LILRB1: variants seen among roughly 807,000 people sequenced by gnomAD.
LILRB1 encodes the protein leukocyte immunoglobulin like receptor B1, also known as leukocyte immunoglobulin-like receptor subfamily B member 1.
In LILRB1, 59 loss-of-function variants were observed where a neutral mutation model predicts 74.6. The observed-to-expected ratio is 0.79, with a 90% confidence interval of 0.64 to 0.98. The LOEUF (loss-of-function observed/expected upper bound fraction) is 0.98. Among genes scored for constraint, LILRB1 ranks in the 50% least tolerant of loss-of-function variants. LILRB1 has a pLI of 0.00. For synonymous variants in LILRB1, 328 were observed against 333.9 expected (o/e 0.98, Z 0.19); for missense variants, 804 against 822.6 (o/e 0.98, Z 0.28).
At chr19:54,634,980 T>C (rs945877275) in intron 10 of LILRB1, 124 bp from the exon 11 acceptor site, 91 of 1,448,510 alleles carry the variant, frequency 6.3e-5, no homozygotes, top group African/African-American at 2.7e-4. Context: ...CTGTCCATCC[T>C]ATGAGGCATT....
rs1328994243 is a variant in LILRB1 at position 54,631,114 on chromosome 19, T to C, written c.34+7T>C. The C allele has an allele frequency of 6.2e-7, 1 of 1,613,640 alleles. No homozygotes were observed. The highest frequency in any genetic ancestry group is 1.3e-5 in the African/African-American group (1 of 74,772). On this transcript the variant is annotated splice_region_variant and intron_variant, in intron 2 of 14. Transcript: ENST00000324602. The stretch of plus-strand genomic sequence containing the variant: ...ACGGTCCTGATCTGTCTCGGTGAGA[T>C]TTGAAGAAGGAGGGGAGCTTCTAAC...
intron 6 of LILRB1, 67 bp downstream of exon 6, chr19:54,632,827 T>G (rs2064013184): frequency 6.3e-7 from 1 of 1,595,114 alleles, no homozygotes; most frequent in Admixed American, 1.7e-5. Flanking sequence ...GGAGCTCAGG[T>G]AGTGATGGCC....
At chr19:54,629,993 G>A (rs772281934), upstream of LILRB1, among the ~76,000 whole-genome samples, 1 of 152,208 alleles carries the variant, frequency 6.6e-6, no homozygotes. Flanking sequence ...GGAGTCCAAC[G>A]CCAAGATCCT....
At chr19:54,635,795 C>T (rs777307861) in intron 13 of LILRB1, 186 bp downstream of exon 13, 6 of 761,730 alleles carry the variant, frequency 7.9e-6, no homozygotes, top group East Asian at 2.6e-5. Flanking sequence ...TCGTGGGCCT[C>T]CTCCCGGGTC....
rs368128716 is a variant in LILRB1 at position 54,632,119 on chromosome 19, C to T, written c.543C>T (p.Ile181=). The change falls in exon 5 of 15, where the codon ATC becomes ATT. Residue 181 remains isoleucine (I), a synonymous_variant. Coordinates refer to ENST00000324602, the MANE Select transcript of LILRB1 (RefSeq NM_001081637.3). ...ATGCCCGTGGGTCGTCCCGCGCCAT[C>T]TTCTCCGTGGGCCCCGTGAGCCCGA... ...QPHARGSSRA[I]FSVGPVSPSR... is the part of the protein sequence containing the mutation. 1.3e-4 allele frequency: 209 copies of T among 1,614,244 alleles called. No homozygotes were observed. In the African/African-American group the frequency reaches 2.6e-3, roughly 20 times the overall value.
chr19:54,622,488 T>C, intron 1 of LILRB1, among the ~76,000 whole-genome samples: 1 of 152,328 alleles, frequency 6.6e-6, no homozygotes, highest in Admixed American at 6.5e-5. Flanking sequence ...TACTGATGTA[T>C]AGAAAAGCTA....
At chr19:54,628,773 C>A (rs1223288009), upstream of LILRB1, among the ~76,000 whole-genome samples, 1 of 152,088 alleles carries the variant, frequency 6.6e-6, no homozygotes, top group Admixed American at 6.6e-5. Flanking sequence ...AAGGAACAGG[C>A]TGAGACCATC....
In LILRB1 at chr19:54,637,803, G is replaced by A. The variant is rs1056452; in HGVS notation, c.*925G>A. On this transcript the variant is annotated 3_prime_UTR_variant, in exon 15 of 15. Transcript: ENST00000324602. ...GAGCCAGCAGACAGCCCTACAGATCGTACACACGTTTTCCAAAACTAACAA... is the reference window on the plus strand; with the variant it reads ...GAGCCAGCAGACAGCCCTACAGATCATACACACGTTTTCCAAAACTAACAA... 0.033 allele frequency among the ~76,000 whole-genome samples: 5,026 copies of A among 152,164 alleles called. 107 individuals are homozygous for A. Among genetic ancestry groups the A allele is most frequent in the Non-Finnish European group, 0.05 (3,419 of 67,992 alleles).
chr19:54,619,087 T>A (rs2063387952), intron 1 of LILRB1, among the ~76,000 whole-genome samples: 2 of 152,128 alleles, frequency 1.3e-5, no homozygotes, highest in Non-Finnish European at 2.9e-5. Flanking sequence ...AAAGCTTTTT[T>A]AAAAGTTATG....
upstream of LILRB1, among the ~76,000 whole-genome samples, chr19:54,628,948 G>T (rs1042412233): frequency 6.6e-6 from 1 of 152,200 alleles, no homozygotes; most frequent in Non-Finnish European, 1.5e-5. Flanking sequence ...CTATGAGCCA[G>T]GAACCGCAGG....
chr19:54,624,782 C>A (rs1461391195), intron 1 of LILRB1, among the ~76,000 whole-genome samples: 1 of 152,112 alleles, frequency 6.6e-6, no homozygotes, highest in Non-Finnish European at 1.5e-5. Flanking sequence ...GTCCCCAGGG[C>A]ACAGGCAGAA....
chr19:54,633,057 C>G lies in LILRB1; in HGVS notation c.1000C>G (p.Pro334Ala). ...DRVSLSVQPG[P>A]TVASGENVTL... is the part of the protein sequence containing the mutation. ...AGTCTCCCTCTCGGTGCAGCCGGGCCCCACGGTGGCCTCAGGAGAGAACGT... is the reference window on the plus strand; with the variant it reads ...AGTCTCCCTCTCGGTGCAGCCGGGCGCCACGGTGGCCTCAGGAGAGAACGT... The change falls in exon 7 of 15, where the codon CCC becomes GCC. Residue 334 changes from proline (P) to alanine (A), a missense_variant. Transcript: ENST00000324602. 6.2e-7 allele frequency: 1 copy of G among 1,614,076 alleles called. No individual in the cohort carries two copies. Among genetic ancestry groups the G allele is most frequent in the Non-Finnish European group, 8.5e-7 (1 of 1,179,976 alleles).
intron 3 of LILRB1, 61 bp from the exon 4 acceptor site, chr19:54,631,439 G>T (rs1422187987): frequency 1.2e-6 from 2 of 1,600,090 alleles, no homozygotes; most frequent in African/African-American, 2.7e-5. Flanking sequence ...TGGGCTGAGA[G>T]CTGGAATCTG....
chr19:54,626,387 C>G (rs1344538138), upstream of LILRB1, among the ~76,000 whole-genome samples: 3 of 152,012 alleles, frequency 2.0e-5, no homozygotes, highest in African/African-American at 7.2e-5. Flanking sequence ...AAATGTCAAC[C>G]ATTTTCTTTG....
intron 1 of LILRB1, among the ~76,000 whole-genome samples, chr19:54,621,485 G>C (rs1460536358): frequency 6.7e-6 from 1 of 150,330 alleles, no homozygotes; most frequent in Non-Finnish European, 1.5e-5. Context: ...TTTGAGAAAT[G>C]TCTGTTGATG....
At chr19:54,623,250 C>T (rs1037073967) in intron 1 of LILRB1, among the ~76,000 whole-genome samples, 1 of 152,124 alleles carries the variant, frequency 6.6e-6, no homozygotes, top group Non-Finnish European at 1.5e-5. Flanking sequence ...ACCAGCTCTT[C>T]GTTGTGTATA....
Position 54,634,723 on chromosome 19 carries a change from C to T in LILRB1, c.1446C>T (p.Leu482=), listed in dbSNP as rs773352605. The T allele has an allele frequency of 3.7e-6, 6 of 1,614,028 alleles. No homozygotes were observed. The South Asian group carries it at 5.5e-5, about 15-fold the overall frequency. The change falls in exon 10 of 15, where the codon CTC becomes CTT. Residue 482 remains leucine, a synonymous_variant. Coordinates refer to ENST00000324602, the MANE Select transcript of LILRB1 (RefSeq NM_001081637.3). Reference sequence around the variant, plus strand: ...TCCTCCTCCTCCTCCTCCTCTTCCTCATCCTCCGACATCGACGTCAGGGCA... The same window carrying T: ...TCCTCCTCCTCCTCCTCCTCTTCCTTATCCTCCGACATCGACGTCAGGGCA... The part of the protein sequence containing the change: ...LLLLLLLLLF[L]ILRHRRQGKH...
In LILRB1 at chr19:54,637,771, T is replaced by A. The variant is rs952551005; in HGVS notation, c.*893T>A. Among the ~76,000 whole-genome samples, 1 of 152,102 alleles carries A rather than the reference T, an allele frequency of 6.6e-6. No homozygotes were observed. The highest frequency in any genetic ancestry group is 1.5e-5 in the Non-Finnish European group (1 of 68,022). On this transcript the variant is annotated 3_prime_UTR_variant, in exon 15 of 15. Coordinates refer to ENST00000324602, the MANE Select transcript of LILRB1 (RefSeq NM_001081637.3). Reference sequence around the variant, plus strand: ...GAAAGAGCAGGCATGCATTTCCATATGGGAGTGAGCCAGCAGACAGCCCTA... The same window carrying A: ...GAAAGAGCAGGCATGCATTTCCATAAGGGAGTGAGCCAGCAGACAGCCCTA...
rs374301109 is a variant in LILRB1 at position 54,634,782 on chromosome 19, G to A, written c.1486+19G>A. On this transcript the variant is annotated intron_variant, in intron 10 of 14. Coordinates refer to ENST00000324602, the MANE Select transcript of LILRB1 (RefSeq NM_001081637.3). The stretch of plus-strand genomic sequence containing the variant: ...ACATCGAGTGAGTAGGGAATGGGGG[G>A]ACCCTGAGGGCTGACCGAGGGTGGG... The A allele has an allele frequency of 3.5e-5, 56 of 1,612,456 alleles. No individual in the cohort carries two copies. The highest frequency in any genetic ancestry group is 7.6e-6 in the Non-Finnish European group (9 of 1,179,356).
Sources: gnomAD v4.1 joint callset for allele counts (sites outside exome capture counted in the v4.1 genomes callset) on GRCh38, gnomAD v4.1.1 for gene constraint, MANE v1.5 for transcripts, NCBI Gene and HGNC (gene_info 2026-07-23, HGNC 2026-07-21) for gene names.